Variants in CSMD3 observed in about 807,000 individuals in gnomAD.
CSMD3 encodes CUB and Sushi multiple domains 3.
CSMD3 carries 177 observed loss-of-function variants against 435.2 expected under a neutral mutation model. The ratio of observed to expected loss-of-function variants is 0.41; its 90% CI spans 0.36 to 0.46. The LOEUF (loss-of-function observed/expected upper bound fraction) is 0.46, where lower values mean the gene tolerates loss of function less well. Ranked by LOEUF, CSMD3 falls within the 20% of genes least tolerant of loss-of-function variation. The probability of loss-of-function intolerance (pLI) is 0.34; values close to 1 mark genes in which losing one functional copy is unlikely to be tolerated. For synonymous variants in CSMD3, 1,656 were observed against 1,520.5 expected (o/e 1.09, Z -2.07); for missense variants, 4,265 against 4,504.6 (o/e 0.95, Z 1.52).
intron 10 of CSMD3, among the ~76,000 whole-genome samples, chr8:112,880,652 T>C (rs537151263): frequency 6.6e-6 from 1 of 152,168 alleles, no homozygotes; most frequent in East Asian, 1.9e-4. Context: ...ATTCTTTTGA[T>C]GGTGCTGGGG....
chr8:112,545,172 G>T (rs753321674), intron 27 of CSMD3, among the ~76,000 whole-genome samples: 1 of 151,974 alleles, frequency 6.6e-6, no homozygotes, highest in African/African-American at 2.4e-5. Flanking sequence ...CAAAATATCT[G>T]TCAGGGCAAC....
intron 32 of CSMD3, among the ~76,000 whole-genome samples, chr8:112,462,367 T>C (rs1481698692): frequency 6.6e-6 from 1 of 152,208 alleles, no homozygotes; most frequent in Non-Finnish European, 1.5e-5. Context: ...TTTAAACAAA[T>C]TGTTGTAAAA....
intron 31 of CSMD3, among the ~76,000 whole-genome samples, chr8:112,491,954 T>G (rs1820743626): frequency 1.3e-5 from 2 of 152,136 alleles, no homozygotes; most frequent in Non-Finnish European, 2.9e-5. Context: ...CTTTCTTATA[T>G]AGAGAGAGTT....
At chr8:113,377,033 G>A in intron 1 of CSMD3, 2 of 1,283,966 alleles carry the variant, frequency 1.6e-6, no homozygotes, top group African/African-American at 1.5e-5. Context: ...TGGGGTGGGG[G>A]TGGGGCGGAG....
intron 9 of CSMD3, among the ~76,000 whole-genome samples, chr8:112,929,542 CTT>C (rs1404147164): frequency 2.0e-5 from 3 of 151,892 alleles, no homozygotes; most frequent in East Asian, 3.9e-4. Context: ...TGCTTTATCT[CTT>C]ATATATAACA....
chr8:112,562,535 G>A (rs1828721840), intron 24 of CSMD3, among the ~76,000 whole-genome samples: 1 of 151,100 alleles, frequency 6.6e-6, no homozygotes. Context: ...AGGAAATTGG[G>A]AAAGTATGTT....
At chr8:112,239,190 G>A (rs903001854) in intron 66 of CSMD3, among the ~76,000 whole-genome samples, 52 of 151,980 alleles carry the variant, frequency 3.4e-4, no homozygotes, top group African/African-American at 1.1e-3. Context: ...GTATAAATTT[G>A]TTCTGACCAT....
intron 7 of CSMD3, among the ~76,000 whole-genome samples, chr8:112,961,399 CAT>C (rs2084224854): frequency 6.6e-6 from 1 of 151,758 alleles, no homozygotes; most frequent in African/African-American, 2.4e-5. Flanking sequence ...TAAATACAAT[CAT>C]ATTGATTATA....
chr8:113,281,047 T>C (rs1285223289), intron 2 of CSMD3, among the ~76,000 whole-genome samples: 1 of 151,878 alleles, frequency 6.6e-6, no homozygotes, highest in East Asian at 1.9e-4. Flanking sequence ...ATTTTTTCTT[T>C]ATTTATTGAG....
intron 5 of CSMD3, among the ~76,000 whole-genome samples, chr8:113,075,329 A>G (rs2089294069): frequency 6.6e-6 from 1 of 151,930 alleles, no homozygotes; most frequent in African/African-American, 2.4e-5. Context: ...GAAATCATTT[A>G]TTTGGGGGGA....
intron 47 of CSMD3, among the ~76,000 whole-genome samples, chr8:112,314,948 C>A (rs1165674403): frequency 6.6e-6 from 1 of 151,912 alleles, no homozygotes; most frequent in Non-Finnish European, 1.5e-5. Context: ...TCTCCCACCT[C>A]TGCCTGTCTT....
At chr8:112,697,065 A>T (rs2076274026) in intron 13 of CSMD3, among the ~76,000 whole-genome samples, 1 of 150,348 alleles carries the variant, frequency 6.7e-6, no homozygotes, top group African/African-American at 2.5e-5. Context: ...ATCATTAAAA[A>T]GTCAGGAAAC....
intron 10 of CSMD3, among the ~76,000 whole-genome samples, chr8:112,878,014 A>C (rs1293128823): frequency 6.6e-6 from 1 of 152,190 alleles, no homozygotes; most frequent in Non-Finnish European, 1.5e-5. Flanking sequence ...ATGGACAAAT[A>C]CTTCATGAGT....
chr8:112,281,136 T>C (rs368914541), intron 59 of CSMD3, 38 bp downstream of exon 59: 2 of 1,458,354 alleles, frequency 1.4e-6, no homozygotes, highest in Non-Finnish European at 1.9e-6. Context: ...AATACTTTCA[T>C]ATAATTACTG....
At chr8:113,386,332 T>G (rs534024924) in intron 1 of CSMD3, among the ~76,000 whole-genome samples, 5 of 152,106 alleles carry the variant, frequency 3.3e-5, no homozygotes, top group East Asian at 1.9e-4. Context: ...GAGCAAATTA[T>G]GTGTTTTCTC....
intron 4 of CSMD3, among the ~76,000 whole-genome samples, chr8:113,102,109 A>G (rs906865296): frequency 6.6e-6 from 1 of 152,090 alleles, no homozygotes; most frequent in Admixed American, 6.6e-5. Flanking sequence ...GTTCAAAATG[A>G]GTTGGTACAT....
intron 40 of CSMD3, among the ~76,000 whole-genome samples, chr8:112,349,392 A>G (rs1004588664): frequency 6.6e-6 from 1 of 152,108 alleles, no homozygotes; most frequent in Admixed American, 6.6e-5. Flanking sequence ...CCAAGCCTTT[A>G]CATTAATTTG....
At position 113,409,269 on chromosome 8, in the gene CSMD3, G is replaced by A. The variant is rs534631838; in HGVS notation, c.178+27408C>T. On this transcript the variant is annotated intron_variant, in intron 1 of 70. Coordinates refer to ENST00000297405, the MANE Select transcript of CSMD3 (RefSeq NM_198123.2). ...GGCTAATTTTTGTATTTTTTTAGTA[G>A]AGACAGGGTTTCACCATGTTGGTCA... 6.6e-5 allele frequency among the ~76,000 whole-genome samples: 10 copies of A among 151,520 alleles called. No individual in the cohort carries two copies. The South Asian group carries it at 8.4e-4, about 13-fold the overall frequency.
intron 1 of CSMD3, among the ~76,000 whole-genome samples, chr8:113,336,919 G>T (rs2094079768): frequency 6.6e-6 from 1 of 152,108 alleles, no homozygotes; most frequent in African/African-American, 2.4e-5. Flanking sequence ...AGCCTGGTAA[G>T]CCTGAAAGTA....
Sources: gnomAD v4.1 joint callset for allele counts (sites outside exome capture counted in the v4.1 genomes callset) on GRCh38, gnomAD v4.1.1 for gene constraint, MANE v1.5 for transcripts, NCBI Gene and HGNC (gene_info 2026-07-23, HGNC 2026-07-21) for gene names.